The following PXDNL variants were observed in gnomAD, a reference collection of about 807,000 sequenced individuals.
PXDNL encodes the protein probable oxidoreductase PXDNL.
A neutral mutation model predicts 150.8 loss-of-function variants in PXDNL; 145 were observed. That is an observed-to-expected ratio of 0.96 (90% confidence interval 0.84 to 1.10). The LOEUF is 1.10. Ranked by LOEUF, PXDNL falls within the 50% of genes least tolerant of loss-of-function variation. The probability of loss-of-function intolerance (pLI) is 0.00; values close to 1 mark genes in which losing one functional copy is unlikely to be tolerated. For missense variants in PXDNL, 2,087 were observed against 1,873.9 expected (o/e 1.11, Z -2.10); for synonymous variants, 757 against 725.7 (o/e 1.04, Z -0.69).
chr8:51,530,251 C>T (rs115137990), intron 4 of PXDNL, among the ~76,000 whole-genome samples: 2,807 of 152,042 alleles, frequency 0.018, 87 homozygotes, highest in African/African-American at 0.063. Flanking sequence ...GTATACCTAG[C>T]GGCAAAAAGG....
Position 51,592,744 on chromosome 8 carries a change from C to T in PXDNL, c.237-46G>A, listed in dbSNP as rs1452095591. 13 of 1,349,280 alleles carry T rather than the reference C, an allele frequency of 9.6e-6. No homozygotes were observed. The Admixed American group carries it at 2.8e-4, about 29-fold the overall frequency. The allele number at this position is 1,349,280 out of a possible 1,614,324, so 83.6% of individuals were successfully genotyped here. A position where few individuals can be genotyped will look rare whatever the true frequency, so the allele number is the denominator to read the frequency against. On this transcript the variant is annotated intron_variant, in intron 2 of 22. Coordinates refer to ENST00000356297, the MANE Select transcript of PXDNL (RefSeq NM_144651.5). ...AAATAATTCCCAAATGAGAAACAGA[C>T]TCTGCAAACATTAAAATAGTTCTGC... is the stretch of plus-strand genomic sequence containing the variant.
chr8:51,613,339 A>C (rs1461336460), intron 2 of PXDNL, among the ~76,000 whole-genome samples: 1 of 152,122 alleles, frequency 6.6e-6, no homozygotes, highest in African/African-American at 2.4e-5. Flanking sequence ...ACATTGATTC[A>C]GATCTCAGGA....
chr8:51,629,578 A>T (rs1157792684), intron 2 of PXDNL, among the ~76,000 whole-genome samples: 1 of 152,186 alleles, frequency 6.6e-6, no homozygotes, highest in Non-Finnish European at 1.5e-5. Context: ...AAGTTCAGTG[A>T]GTTCCAAGAA....
At chr8:51,686,204 G>T (rs577469808) in intron 1 of PXDNL, among the ~76,000 whole-genome samples, 4 of 152,210 alleles carry the variant, frequency 2.6e-5, no homozygotes, top group Non-Finnish European at 4.4e-5. Context: ...AGTACACTAT[G>T]AAGTTGTTTT....
intron 1 of PXDNL, among the ~76,000 whole-genome samples, chr8:51,703,830 C>A (rs908370729): frequency 6.6e-6 from 1 of 152,164 alleles, no homozygotes; most frequent in East Asian, 1.9e-4. Flanking sequence ...TAGTTTTTCA[C>A]GCCAAAATCT....
At chr8:51,412,286 C>T (rs1157383626) in intron 15 of PXDNL, among the ~76,000 whole-genome samples, 1 of 152,160 alleles carries the variant, frequency 6.6e-6, no homozygotes, top group Non-Finnish European at 1.5e-5. Context: ...TCTCCAGGCA[C>T]TGTTGAAGCA....
chr8:51,489,956 A>G (rs1810852115), intron 5 of PXDNL, among the ~76,000 whole-genome samples: 1 of 152,202 alleles, frequency 6.6e-6, no homozygotes, highest in Non-Finnish European at 1.5e-5. Flanking sequence ...AGTGAAGGGA[A>G]ATCCCAGGTT....
At chr8:51,508,626 C>T (rs2013700) in intron 4 of PXDNL, among the ~76,000 whole-genome samples, 61,658 of 151,982 alleles carry the variant, frequency 0.41, 14,263 homozygotes, top group African/African-American at 0.64. Context: ...AGGCTTCTCC[C>T]TTTTTCCAGC....
At chr8:51,454,486 T>C (rs1809882885) in intron 9 of PXDNL, among the ~76,000 whole-genome samples, 1 of 152,202 alleles carries the variant, frequency 6.6e-6, no homozygotes, top group Non-Finnish European at 1.5e-5. Context: ...TATTATAAAT[T>C]GATTCATCAA....
intron 21 of PXDNL, among the ~76,000 whole-genome samples, chr8:51,322,457 A>C (rs920473730): frequency 6.6e-6 from 1 of 152,176 alleles, no homozygotes; most frequent in African/African-American, 2.4e-5. Context: ...AGGTGGGATG[A>C]GTGGGCAGCA....
intron 1 of PXDNL, among the ~76,000 whole-genome samples, chr8:51,766,518 G>A (rs2037233450): frequency 6.6e-6 from 1 of 152,114 alleles, no homozygotes; most frequent in Non-Finnish European, 1.5e-5. Flanking sequence ...CATAGAGCAG[G>A]TCTGCTAGTG....
At chr8:51,367,100 C>CAAAAA (rs58282258) in intron 19 of PXDNL, among the ~76,000 whole-genome samples, 37 of 55,244 alleles carry the variant, frequency 6.7e-4, no homozygotes, top group African/African-American at 2.2e-3. Context: ...ACTCTTGTCT[C>CAAAAA]AAAAAAAAAA....
intron 17 of PXDNL, among the ~76,000 whole-genome samples, chr8:51,404,817 C>T (rs1311296133): frequency 3.3e-5 from 5 of 152,242 alleles, no homozygotes; most frequent in Admixed American, 6.5e-5. Context: ...CCACGCAGTG[C>T]GCCGGCACTC....
In PXDNL at chr8:51,319,904, G is replaced by A; in HGVS notation, c.4379C>T (p.Pro1460Leu). 6.5e-7 allele frequency: 1 copy of A among 1,540,564 alleles called. No individual in the cohort carries two copies. Among genetic ancestry groups the A allele is most frequent in the Non-Finnish European group, 8.7e-7 (1 of 1,146,468 alleles). ...ACAAAACTTTTATTAGCGCTTCTCT[G>A]GGGAATCACTTGGCATTCCTCGGTC... Reference protein sequence around the residue: ...CRDRGMPSDSPEKR With the variant: ...CRDRGMPSDSLEKR Residue 1460 changes from proline to leucine, a missense_variant, in exon 23 of 23, where the codon CCA becomes CTA. Coordinates refer to ENST00000356297, the MANE Select transcript of PXDNL (RefSeq NM_144651.5).
chr8:51,733,848 G>T (rs899352134), intron 1 of PXDNL, among the ~76,000 whole-genome samples: 5 of 140,560 alleles, frequency 3.6e-5, no homozygotes, highest in African/African-American at 1.3e-4. Context: ...ATATATATAT[G>T]ATATATATGA....
intron 1 of PXDNL, among the ~76,000 whole-genome samples, chr8:51,659,027 A>G (rs1390572340): frequency 6.6e-6 from 1 of 152,210 alleles, no homozygotes; most frequent in African/African-American, 2.4e-5. Context: ...TTCACTCAAG[A>G]TCGGTCACTA....
chr8:51,658,067 G>A (rs1002960998), intron 1 of PXDNL, among the ~76,000 whole-genome samples: 9 of 152,072 alleles, frequency 5.9e-5, no homozygotes, highest in Non-Finnish European at 1.2e-4. Flanking sequence ...GGCTGGGCTG[G>A]GTGCAGTAGC....
In PXDNL at chr8:51,409,324, A is replaced by G; in HGVS notation, c.2300T>C (p.Leu767Pro). 7.0e-7 allele frequency: 1 copy of G among 1,436,466 alleles called. No homozygotes were observed. The highest frequency in any genetic ancestry group is 9.1e-7 in the Non-Finnish European group (1 of 1,101,406). 89.0% of individuals were successfully genotyped at this position (1,436,466 alleles called of 1,614,324 possible). Residue 767 changes from leucine (L) to proline (P), a missense_variant, in exon 17 of 23, where the codon CTC becomes CCC. Leu to Pro is a moderately conservative substitution (Grantham distance 98). Transcript: ENST00000356297. ...CTGGCGGGAGCCCACAGGAAGGCCG[A>G]GCCCGCGGGGCGCGCGGATGCCGTC... Reference protein sequence around the residue: ...YRDGIRAPRGLGLPVGSRQPL... With the variant: ...YRDGIRAPRGPGLPVGSRQPL...
chr8:51,664,098 G>T (rs1289442314), intron 1 of PXDNL, among the ~76,000 whole-genome samples: 1 of 150,808 alleles, frequency 6.6e-6, no homozygotes, highest in African/African-American at 2.4e-5. Flanking sequence ...GAGGGGGTTT[G>T]ATCTGTCCTG....
Sources: gnomAD v4.1 joint callset for allele counts (sites outside exome capture counted in the v4.1 genomes callset) on GRCh38, gnomAD v4.1.1 for gene constraint, MANE v1.5 for transcripts, NCBI Gene and HGNC (gene_info 2026-07-23, HGNC 2026-07-21) for gene names.